Variants in CDH13 observed in about 807,000 individuals in gnomAD.
CDH13 encodes cadherin-13.
A neutral mutation model predicts 63.8 loss-of-function variants in CDH13; 24 were observed. The observed-to-expected ratio is 0.38, with a 90% CI of 0.27 to 0.53. The LOEUF (loss-of-function observed/expected upper bound fraction) is 0.53, where lower values mean the gene tolerates loss of function less well. Ranked by LOEUF, CDH13 falls within the 20% of genes least tolerant of loss-of-function variation. The probability of loss-of-function intolerance (pLI) is 0.85; values close to 1 mark genes in which losing one functional copy is unlikely to be tolerated. For missense variants in CDH13, 1,049 were observed against 903.1 expected, an observed-to-expected ratio of 1.16 and a Z score of -2.07; for synonymous variants, 503 against 355.3, an observed-to-expected ratio of 1.42 and a Z score of -4.67.
intron 2 of CDH13, among the ~76,000 whole-genome samples, chr16:83,004,211 C>T (rs984508182): frequency 4.0e-4 from 61 of 152,000 alleles, no homozygotes; most frequent in Admixed American, 3.7e-3. Flanking sequence ...TCCCTTGCAG[C>T]GGGTTTTGTA....
chr16:83,555,342 C>G (rs1409880627), intron 7 of CDH13, among the ~76,000 whole-genome samples: 1 of 152,202 alleles, frequency 6.6e-6, no homozygotes, highest in Non-Finnish European at 1.5e-5. Context: ...TTTAGACTTT[C>G]AGAAACCAAG....
At position 83,295,043 on chromosome 16, in the gene CDH13, A is replaced by T. The variant is rs2089557745; in HGVS notation, c.637-49819A>T. 2.0e-5 allele frequency among the ~76,000 whole-genome samples: 3 copies of T among 152,288 alleles called. No individual in the cohort carries two copies. The South Asian group carries it at 6.2e-4, about 32-fold the overall frequency. ...GTTATAACAACAGACACATAGACCA[A>T]TTGAACAGAATAGAAAACCCAGAAA... On this transcript the variant is annotated intron_variant, in intron 5 of 13. Transcript: ENST00000567109.
intron 4 of CDH13, among the ~76,000 whole-genome samples, chr16:83,209,074 G>A (rs1237172155): frequency 2.6e-5 from 4 of 152,144 alleles, no homozygotes; most frequent in Non-Finnish European, 5.9e-5. Context: ...ATGCCAAAGA[G>A]GAGACCTGGA....
At chr16:83,220,518 G>A (rs1458834434) in intron 5 of CDH13, among the ~76,000 whole-genome samples, 1 of 151,820 alleles carries the variant, frequency 6.6e-6, no homozygotes, top group Non-Finnish European at 1.5e-5. Context: ...GGAGAGAGCC[G>A]GGTGCAGCAC....
chr16:83,590,004 G>A (rs796156805), intron 7 of CDH13, among the ~76,000 whole-genome samples: 13 of 152,272 alleles, frequency 8.5e-5, no homozygotes, highest in African/African-American at 2.9e-4. Flanking sequence ...GCAGAGATGC[G>A]GAGGAGTGAA....
chr16:83,765,081 A>G (rs1173573018), intron 11 of CDH13, among the ~76,000 whole-genome samples: 12 of 152,200 alleles, frequency 7.9e-5, no homozygotes, highest in Admixed American at 7.9e-4. Context: ...CCAAGCCACA[A>G]GTATTTTATT....
chr16:82,837,414 C>A (rs1159073595), intron 1 of CDH13, among the ~76,000 whole-genome samples: 4 of 147,998 alleles, frequency 2.7e-5, no homozygotes, highest in African/African-American at 5.0e-5. Flanking sequence ...CCAAGACCAC[C>A]CCCAGGTTCC....
intron 6 of CDH13, among the ~76,000 whole-genome samples, chr16:83,402,843 C>G (rs1241146019): frequency 6.6e-6 from 1 of 151,964 alleles, no homozygotes; most frequent in Non-Finnish European, 1.5e-5. Context: ...ATTTTCTTTT[C>G]TGTCCCATTT....
intron 2 of CDH13, among the ~76,000 whole-genome samples, chr16:82,972,531 G>C (rs1410071348): frequency 6.6e-6 from 1 of 152,210 alleles, no homozygotes; most frequent in Non-Finnish European, 1.5e-5. Flanking sequence ...TATTTCAGCT[G>C]TGAGTACCTC....
chr16:82,950,927 G>A (rs1019605074), intron 2 of CDH13, among the ~76,000 whole-genome samples: 18 of 151,468 alleles, frequency 1.2e-4, no homozygotes, highest in Non-Finnish European at 1.9e-4. Context: ...AACCAAACCT[G>A]TCTGGGCACT....
chr16:82,687,131 G>A (rs953745179), intron 1 of CDH13, among the ~76,000 whole-genome samples: 15 of 152,190 alleles, frequency 9.9e-5, no homozygotes, highest in African/African-American at 3.4e-4. Context: ...CAGGTCATCT[G>A]TTTACCTAAG....
At chr16:83,660,365 G>T (rs1280909438) in intron 8 of CDH13, among the ~76,000 whole-genome samples, 2 of 152,134 alleles carry the variant, frequency 1.3e-5, no homozygotes, top group African/African-American at 2.4e-5. Context: ...TTCTCATGAG[G>T]AATACACAAC....
chr16:83,791,405 A>G (rs1039570702), intron 13 of CDH13, among the ~76,000 whole-genome samples: 25 of 152,078 alleles, frequency 1.6e-4, no homozygotes, highest in African/African-American at 5.1e-4. Context: ...CTGAGGCAGG[A>G]GAATCGAGTG....
chr16:83,768,637 G>A (rs1430458135), intron 11 of CDH13, among the ~76,000 whole-genome samples: 1 of 152,168 alleles, frequency 6.6e-6, no homozygotes, highest in Non-Finnish European at 1.5e-5. Context: ...GCTGCTGGTT[G>A]CCCATGTTTA....
intron 9 of CDH13, among the ~76,000 whole-genome samples, chr16:83,674,851 C>T (rs995636164): frequency 1.3e-5 from 2 of 152,208 alleles, no homozygotes; most frequent in African/African-American, 2.4e-5. Flanking sequence ...ATAATCAACC[C>T]TACATTTTAA....
At chr16:83,184,904 T>C (rs969256024) in intron 4 of CDH13, among the ~76,000 whole-genome samples, 61 of 147,994 alleles carry the variant, frequency 4.1e-4, no homozygotes, top group South Asian at 1.5e-3. Flanking sequence ...TGTGTGTGTG[T>C]GTGCGTGTGT....
At chr16:82,860,230 G>A (rs1012365138) in intron 2 of CDH13, among the ~76,000 whole-genome samples, 3 of 152,092 alleles carry the variant, frequency 2.0e-5, no homozygotes, top group African/African-American at 7.2e-5. Flanking sequence ...GGTATGCAAA[G>A]TAGACCTATA....
chr16:83,551,625 C>G (rs1048744111), intron 7 of CDH13, among the ~76,000 whole-genome samples: 1 of 152,146 alleles, frequency 6.6e-6, no homozygotes, highest in Non-Finnish European at 1.5e-5. Flanking sequence ...GACATCCAAG[C>G]TTCTCTTTTT....
intron 4 of CDH13, among the ~76,000 whole-genome samples, chr16:83,195,886 A>G (rs2038864506): frequency 6.6e-6 from 1 of 152,224 alleles, no homozygotes; most frequent in Non-Finnish European, 1.5e-5. Context: ...ATCCTTCAGC[A>G]AATGATGCTG....
Sources: gnomAD v4.1 joint callset for allele counts (sites outside exome capture counted in the v4.1 genomes callset) on GRCh38, gnomAD v4.1.1 for gene constraint, MANE v1.5 for transcripts, NCBI Gene and HGNC (gene_info 2026-07-23, HGNC 2026-07-21) for gene names.